FRYL: variants seen among roughly 807,000 people sequenced by gnomAD.
The protein encoded by FRYL is FRY like transcription coactivator, also known as protein furry homolog-like.
Under a neutral mutation model 351.2 loss-of-function variants are expected in FRYL, and 150 were observed. The ratio of observed to expected loss-of-function variants is 0.43; its 90% CI spans 0.37 to 0.49. The LOEUF (loss-of-function observed/expected upper bound fraction) is 0.49. Ranked by LOEUF, FRYL falls within the 20% of genes least tolerant of loss-of-function variation. The pLI, the probability that FRYL is intolerant of heterozygous loss-of-function variation, is 0.00. For missense variants in FRYL, 3,036 were observed against 3,619.3 expected, an observed-to-expected ratio of 0.84 and a Z score of 4.13; for synonymous variants, 1,153 against 1,257.1, an observed-to-expected ratio of 0.92 and a Z score of 1.75.
Position 48,590,803 on chromosome 4 carries a change from G to A in FRYL, c.1363C>T (p.Leu455Phe). 6.2e-7 allele frequency: 1 copy of A among 1,613,188 alleles called. No homozygotes were observed. Among genetic ancestry groups the A allele is most frequent in the Non-Finnish European group, 8.5e-7 (1 of 1,179,720 alleles). ...TGCTGCAAACTGTCTGCTATTACAA[G>A]GAAGACTCTGAGACCTATGTTCATT... ...ERMNIGLRVF[L>F]VIADSLQQKD... The change falls in exon 17 of 64, where the codon CTT (leucine) becomes TTT (phenylalanine). Residue 455 changes from leucine to phenylalanine, a missense_variant. Coordinates refer to ENST00000358350, the MANE Select transcript of FRYL (RefSeq NM_015030.2).
At chr4:48,501,792 A>C (rs1719731846) in intron 61 of FRYL, 59 bp from the exon 62 acceptor site, 1 of 1,003,022 alleles carries the variant, frequency 1.0e-6, no homozygotes. Context: ...GCATATTTCC[A>C]ATGGAAATTT....
Position 48,528,273 on chromosome 4 carries a change from T to C in FRYL, c.6967A>G (p.Lys2323Glu). 2 of 1,613,458 alleles carry C rather than the reference T, an allele frequency of 1.2e-6. No individual in the cohort carries two copies. Among genetic ancestry groups the C allele is most frequent in the South Asian group, 1.1e-5 (1 of 91,046 alleles). Reference protein sequence around the residue: ...HSAAGRNGKPKVIAVTRSTSS... With the variant: ...HSAAGRNGKPEVIAVTRSTSS... Reference sequence around the variant, plus strand: ...GTACTTCTAGTGACAGCAATAACTTTTGGTTTCCCATTTCTTCCAGCCGCA... The same window carrying C: ...GTACTTCTAGTGACAGCAATAACTTCTGGTTTCCCATTTCTTCCAGCCGCA... Residue 2323 changes from lysine to glutamate, a missense_variant, in exon 51 of 64, where the codon AAA becomes GAA. Coordinates refer to ENST00000358350, the MANE Select transcript of FRYL (RefSeq NM_015030.2).
At chr4:48,503,677 G>C (rs1160783125) in intron 60 of FRYL, among the ~76,000 whole-genome samples, 1 of 152,120 alleles carries the variant, frequency 6.6e-6, no homozygotes, top group Non-Finnish European at 1.5e-5. Flanking sequence ...TTTCTAAATA[G>C]TTTCCTGTGA....
chr4:48,518,635 C>G (rs1216339722), intron 55 of FRYL, among the ~76,000 whole-genome samples: 2 of 152,208 alleles, frequency 1.3e-5, no homozygotes, highest in Non-Finnish European at 2.9e-5. Flanking sequence ...TCACTGTGTT[C>G]CAGCCTTACT....
At chr4:48,650,610 A>G (rs1757421756) in intron 3 of FRYL, among the ~76,000 whole-genome samples, 1 of 152,226 alleles carries the variant, frequency 6.6e-6, no homozygotes, top group Non-Finnish European at 1.5e-5. Context: ...ATGAAGGCAC[A>G]GAATGCTTCC....
chr4:48,776,805 T>G (rs1320860563), intron 1 of FRYL, among the ~76,000 whole-genome samples: 6 of 152,222 alleles, frequency 3.9e-5, no homozygotes. Context: ...AACATATACC[T>G]AGTCTACCCC....
At chr4:48,547,497 C>T (rs952568000) in intron 41 of FRYL, 87 bp downstream of exon 41, 2 of 672,642 alleles carry the variant, frequency 3.0e-6, no homozygotes, top group Non-Finnish European at 4.6e-6. Context: ...AGTATTTCAA[C>T]TTTTATTCAG....
At chr4:48,550,857 A>T (rs963127233) in intron 37 of FRYL, among the ~76,000 whole-genome samples, 153 bp from the exon 38 acceptor site, 2 of 152,214 alleles carry the variant, frequency 1.3e-5, no homozygotes, top group African/African-American at 2.4e-5. Context: ...GAGGATCATG[A>T]GGTCAGGAGA....
intron 13 of FRYL, among the ~76,000 whole-genome samples, chr4:48,597,458 T>C (rs1430842975): frequency 1.3e-5 from 2 of 152,216 alleles, no homozygotes; most frequent in Middle Eastern, 3.4e-3. Flanking sequence ...AACAAATGTA[T>C]CACTCTGAAG....
At chr4:48,628,808 A>T (rs546391226) in intron 4 of FRYL, among the ~76,000 whole-genome samples, 2 of 152,150 alleles carry the variant, frequency 1.3e-5, no homozygotes, top group African/African-American at 4.8e-5. Context: ...ATTATACGTC[A>T]ATTATTTTTA....
At chr4:48,636,085 T>C (rs1263619781) in intron 3 of FRYL, among the ~76,000 whole-genome samples, 1 of 152,174 alleles carries the variant, frequency 6.6e-6, no homozygotes, top group Admixed American at 6.5e-5. Context: ...TTAAAATACA[T>C]TATGTACTGT....
chr4:48,574,248 A>G (rs909065605), intron 25 of FRYL, among the ~76,000 whole-genome samples: 1 of 152,176 alleles, frequency 6.6e-6, no homozygotes, highest in African/African-American at 2.4e-5. Context: ...GCTGACCTTT[A>G]AAAGTGTCTC....
intron 1 of FRYL, among the ~76,000 whole-genome samples, chr4:48,732,404 G>C (rs1049911859): frequency 1.3e-5 from 2 of 152,080 alleles, no homozygotes; most frequent in Non-Finnish European, 2.9e-5. Flanking sequence ...AATACCATTT[G>C]ACCCAGCAAT....
At position 48,505,624 on chromosome 4, in the gene FRYL, A is replaced by AAGT; in HGVS notation, c.8395-12_8395-10dup. On this transcript the variant is annotated splice_polypyrimidine_tract_variant and intron_variant, in intron 59 of 63. Coordinates refer to ENST00000358350, the MANE Select transcript of FRYL (RefSeq NM_015030.2). ...TTACAATCATCTAGCCACTAAAAAT[A>AAGT]AGTAACAGTAACGTTTAATATGCAC... is the stretch of plus-strand genomic sequence containing the variant. 1 of 1,582,292 alleles carries AAGT rather than the reference A, an allele frequency of 6.3e-7. No individual in the cohort carries two copies. Among genetic ancestry groups the AAGT allele is most frequent in the Non-Finnish European group, 8.7e-7 (1 of 1,153,006 alleles).
chr4:48,674,573 T>C (rs1763244827), intron 3 of FRYL, among the ~76,000 whole-genome samples: 1 of 151,520 alleles, frequency 6.6e-6, no homozygotes, highest in South Asian at 2.1e-4. Flanking sequence ...CCATCTTTAC[T>C]AAAAATACAA....
intron 1 of FRYL, among the ~76,000 whole-genome samples, chr4:48,753,271 G>C (rs537361796): frequency 6.6e-6 from 1 of 152,112 alleles, no homozygotes; most frequent in Admixed American, 6.5e-5. Context: ...AAGCACCAGT[G>C]ACTTCAAAGT....
At chr4:48,627,769 C>T (rs1752114560) in intron 4 of FRYL, among the ~76,000 whole-genome samples, 1 of 152,042 alleles carries the variant, frequency 6.6e-6, no homozygotes, top group Non-Finnish European at 1.5e-5. Flanking sequence ...AGTAGATGTA[C>T]TGTGTTTCAA....
rs573623114 is a variant in FRYL at position 48,661,031 on chromosome 4, T to C, written c.-81+23642A>G. On this transcript the variant is annotated intron_variant, in intron 3 of 63. Coordinates refer to ENST00000358350, the MANE Select transcript of FRYL (RefSeq NM_015030.2). ...AAATAAGACAAATTCAAATAAAATA[T>C]GAGCTTTTGTAAATAATAATGCATC... 9.2e-5 allele frequency among the ~76,000 whole-genome samples: 14 copies of C among 152,296 alleles called. No homozygotes were observed. The South Asian group carries it at 2.7e-3, about 29-fold the overall frequency.
chr4:48,729,520 T>A (rs1770490121), intron 1 of FRYL, among the ~76,000 whole-genome samples: 1 of 152,086 alleles, frequency 6.6e-6, no homozygotes, highest in Non-Finnish European at 1.5e-5. Context: ...CGGGTGCCTC[T>A]CTGGGACGAA....
Sources: allele counts gnomAD v4.1 joint callset (sites outside exome capture counted in the v4.1 genomes callset), GRCh38; gene constraint gnomAD v4.1.1; transcripts MANE v1.5; gene names NCBI Gene and HGNC (gene_info 2026-07-23, HGNC 2026-07-21).